SHOC2: variants seen among roughly 807,000 people sequenced by gnomAD.
SHOC2 encodes leucine-rich repeat protein SHOC-2.
Under a neutral mutation model 50.2 loss-of-function variants are expected in SHOC2, and 4 were observed. The ratio of observed to expected loss-of-function variants is 0.08; its 90% CI spans 0.04 to 0.18. The LOEUF is 0.18. Among genes scored for constraint, SHOC2 ranks in the 10% least tolerant of loss-of-function variants. SHOC2 has a pLI of 1.00. For missense variants in SHOC2, 388 were observed against 669.6 expected (o/e 0.58, Z 4.64); for synonymous variants, 218 against 244.5 (o/e 0.89, Z 1.01).
At chr10:110,939,401 A>G (rs1197899752) in intron 1 of SHOC2, among the ~76,000 whole-genome samples, 2 of 151,836 alleles carry the variant, frequency 1.3e-5, no homozygotes, top group Admixed American at 1.3e-4. Flanking sequence ...TTTATTTATT[A>G]TAGAAATAGG....
chr10:110,992,371 C>A (rs931330468), intron 3 of SHOC2, among the ~76,000 whole-genome samples: 3 of 152,206 alleles, frequency 2.0e-5, no homozygotes, highest in African/African-American at 7.2e-5. Context: ...AATATTTTCT[C>A]ATTCAGAAAT....
chr10:110,948,312 C>G (rs767078187), intron 1 of SHOC2, among the ~76,000 whole-genome samples: 7 of 152,140 alleles, frequency 4.6e-5, no homozygotes, highest in Admixed American at 6.5e-5. Flanking sequence ...TGTACCTCTG[C>G]TTTAGCAATA....
In SHOC2 at chr10:111,007,514, C is replaced by T. The variant is rs765892229; in HGVS notation, c.1162-17C>T. On this transcript the variant is annotated splice_polypyrimidine_tract_variant and intron_variant, in intron 5 of 8. Transcript: ENST00000369452. Reference sequence around the variant, plus strand: ...TTTTGTGATTCTACCTTGGATGCTTCTTTTTGTCTTTGCCAGGACAATCAG... The same window carrying T: ...TTTTGTGATTCTACCTTGGATGCTTTTTTTTGTCTTTGCCAGGACAATCAG... The T allele has an allele frequency of 2.5e-6, 4 of 1,613,098 alleles. No homozygotes were observed. The highest frequency in any genetic ancestry group is 2.2e-5 in the East Asian group (1 of 44,784).
chr10:110,991,723 G>A (rs1052649758), intron 3 of SHOC2, among the ~76,000 whole-genome samples: 5 of 151,974 alleles, frequency 3.3e-5, no homozygotes, highest in Admixed American at 3.3e-4. Flanking sequence ...TTTGGGTCTT[G>A]GTCTGTTAAA....
At chr10:110,961,993 A>C (rs905477722) in intron 1 of SHOC2, among the ~76,000 whole-genome samples, 11 of 152,152 alleles carry the variant, frequency 7.2e-5, no homozygotes, top group South Asian at 4.2e-4. Flanking sequence ...TCTCCCTAAA[A>C]TTTTGATTCA....
intron 1 of SHOC2, among the ~76,000 whole-genome samples, chr10:110,947,676 G>T (rs754978908): frequency 2.2e-4 from 33 of 150,330 alleles, no homozygotes; most frequent in Non-Finnish European, 4.0e-4. Flanking sequence ...CTTAACAACA[G>T]ACTATTATAA....
chr10:110,940,910 GTTTTTT>G (rs539552844), intron 1 of SHOC2, among the ~76,000 whole-genome samples: 3 of 119,480 alleles, frequency 2.5e-5, no homozygotes, highest in South Asian at 2.8e-4. Flanking sequence ...TTTGTGGTGG[GTTTTTT>G]TTTTTTTTTT....
intron 2 of SHOC2, among the ~76,000 whole-genome samples, chr10:110,985,016 A>G (rs778897211): frequency 4.6e-5 from 7 of 152,210 alleles, no homozygotes; most frequent in African/African-American, 7.2e-5. Context: ...AGGAAAAAGA[A>G]GATACTGATA....
At chr10:110,986,384 G>T (rs1470851716) in intron 3 of SHOC2, among the ~76,000 whole-genome samples, 1 of 152,082 alleles carries the variant, frequency 6.6e-6, no homozygotes, top group Non-Finnish European at 1.5e-5. Flanking sequence ...TATTAATGTG[G>T]TATAAGGATA....
intron 1 of SHOC2, among the ~76,000 whole-genome samples, chr10:110,940,818 A>G (rs990017146): frequency 6.6e-6 from 1 of 151,098 alleles, no homozygotes; most frequent in African/African-American, 2.4e-5. Context: ...ATGTTTGGAT[A>G]TGTTGAAAAA....
chr10:110,925,756 C>G (rs1403587741), intron 1 of SHOC2, among the ~76,000 whole-genome samples: 1 of 152,192 alleles, frequency 6.6e-6, no homozygotes, highest in South Asian at 2.1e-4. Context: ...CACGCCGGAC[C>G]TTTCATGCAA....
intron 1 of SHOC2, among the ~76,000 whole-genome samples, chr10:110,961,773 G>A (rs1414166691): frequency 6.6e-6 from 1 of 151,868 alleles, no homozygotes; most frequent in Non-Finnish European, 1.5e-5. Flanking sequence ...GATTTCAATG[G>A]GAACTTTATT....
At chr10:110,931,817 A>T (rs138046447) in intron 1 of SHOC2, among the ~76,000 whole-genome samples, 116 of 152,318 alleles carry the variant, frequency 7.6e-4, no homozygotes, top group African/African-American at 2.7e-3. Context: ...TTGTTCTTTC[A>T]ATAAATATAA....
intron 1 of SHOC2, among the ~76,000 whole-genome samples, chr10:110,946,097 T>C (rs1286673386): frequency 6.6e-6 from 1 of 152,082 alleles, no homozygotes; most frequent in Non-Finnish European, 1.5e-5. Flanking sequence ...TTTAATCAAA[T>C]AAAAATCCCT....
chr10:110,984,555 G>A (rs1670768851), intron 2 of SHOC2, among the ~76,000 whole-genome samples: 1 of 152,030 alleles, frequency 6.6e-6, no homozygotes, highest in African/African-American at 2.4e-5. Context: ...GCTTAAAAAT[G>A]TGTTCCACAC....
intron 3 of SHOC2, among the ~76,000 whole-genome samples, chr10:110,993,109 G>A (rs1848213833): frequency 6.6e-6 from 1 of 152,208 alleles, no homozygotes; most frequent in Admixed American, 6.5e-5. Context: ...AGAACAATTT[G>A]TAGACAAAGT....
At chr10:110,925,829 A>G (rs1200704831) in intron 1 of SHOC2, among the ~76,000 whole-genome samples, 3 of 152,160 alleles carry the variant, frequency 2.0e-5, no homozygotes, top group Non-Finnish European at 2.9e-5. Flanking sequence ...CCCAAACTCC[A>G]TTCCCTGCAG....
At chr10:110,940,910 G>GTTTTTTTTTTTTTTTTTT (rs539552844) in intron 1 of SHOC2, among the ~76,000 whole-genome samples, 18 of 119,476 alleles carry the variant, frequency 1.5e-4, no homozygotes, top group East Asian at 7.5e-4. Flanking sequence ...TTTGTGGTGG[G>GTTTTTTTTTTTTTTTTTT]TTTTTTTTTT....
chr10:110,976,150 T>C (rs1043765578), intron 2 of SHOC2, among the ~76,000 whole-genome samples: 1 of 152,150 alleles, frequency 6.6e-6, no homozygotes, highest in Admixed American at 6.5e-5. Context: ...CCTCAGGTGA[T>C]CCGCCTGCCT....
Sources: allele counts gnomAD v4.1 joint callset (sites outside exome capture counted in the v4.1 genomes callset), GRCh38; gene constraint gnomAD v4.1.1; transcripts MANE v1.5; gene names NCBI Gene and HGNC (gene_info 2026-07-23, HGNC 2026-07-21).